The following KIF3C variants were observed in gnomAD, a reference collection of about 807,000 sequenced individuals.
The protein encoded by KIF3C is kinesin-like protein KIF3C.
In KIF3C, 12 loss-of-function variants were observed where a neutral mutation model predicts 67.7. The observed-to-expected ratio is 0.18, with a 90% confidence interval of 0.11 to 0.29. The LOEUF (loss-of-function observed/expected upper bound fraction) is 0.29. KIF3C is among the 10% of genes least tolerant of loss of function. The pLI is 1.00. For synonymous variants in KIF3C, 393 were observed against 426.2 expected, an observed-to-expected ratio of 0.92 and a Z score of 0.96; for missense variants, 789 against 1,059.6, an observed-to-expected ratio of 0.74 and a Z score of 3.55.
intron 5 of KIF3C, among the ~76,000 whole-genome samples, chr2:25,937,481 G>A (rs1663165348): frequency 6.6e-6 from 1 of 152,344 alleles, no homozygotes; most frequent in Admixed American, 6.5e-5. Context: ...CCCGTGAGGA[G>A]AGGCAGCCTC....
intron 5 of KIF3C, among the ~76,000 whole-genome samples, chr2:25,949,424 A>C (rs1663538804): frequency 6.6e-6 from 1 of 151,984 alleles, no homozygotes; most frequent in Non-Finnish European, 1.5e-5. Context: ...AAATACCAAA[A>C]AAAAAGAAAA....
chr2:25,968,506 C>T (rs7589982), intron 1 of KIF3C, among the ~76,000 whole-genome samples: 20,209 of 152,172 alleles, frequency 0.13, 1,474 homozygotes, highest in African/African-American at 0.18. Context: ...CTTATCTTCA[C>T]CTTTCCGCCC....
chr2:25,971,763 G>A (rs12713722), intron 1 of KIF3C, among the ~76,000 whole-genome samples: 40,661 of 151,136 alleles, frequency 0.27, 6,463 homozygotes, highest in African/African-American at 0.45. Context: ...GCTGGAGTGC[G>A]GTGGCAAGAT....
chr2:25,946,274 G>A (rs1026695608), intron 5 of KIF3C, among the ~76,000 whole-genome samples: 1 of 152,136 alleles, frequency 6.6e-6, no homozygotes, highest in Non-Finnish European at 1.5e-5. Context: ...AAAGGTGGGG[G>A]CCAGGTGAGG....
chr2:25,953,269 C>CA lies in KIF3C; in HGVS notation c.1889+997dup, dbSNP rs1022892996. Among the ~76,000 whole-genome samples the CA allele has an allele frequency of 6.8e-3, 903 of 132,820 alleles. 5 individuals are homozygous for CA. Among genetic ancestry groups the CA allele is most frequent in the African/African-American group, 0.02 (729 of 36,086 alleles). The allele number at this position is 132,820 out of a possible 152,430, so 87.1% of individuals were successfully genotyped here. On this transcript the variant is annotated intron_variant, in intron 4 of 7. Transcript: ENST00000264712. ...GGATGATAGAGCAATATTCCATCTC[C>CA]AAAAAAAAAAAATCTAATGTATCCC...
At chr2:25,942,340 G>A (rs1016302019) in intron 5 of KIF3C, among the ~76,000 whole-genome samples, 2 of 151,860 alleles carry the variant, frequency 1.3e-5, no homozygotes, top group South Asian at 2.1e-4. Context: ...CTTAGGCGAC[G>A]GTCTATTATG....
chr2:25,956,575 G>A, intron 1 of KIF3C, 131 bp from the exon 2 acceptor site: 1 of 673,024 alleles, frequency 1.5e-6, no homozygotes, highest in Non-Finnish European at 2.6e-6. Flanking sequence ...ATGGGGCCTT[G>A]TGGCTTTCAG....
intron 5 of KIF3C, among the ~76,000 whole-genome samples, chr2:25,939,827 A>G (rs1281866792): frequency 1.3e-5 from 2 of 151,922 alleles, no homozygotes; most frequent in East Asian, 1.9e-4. Flanking sequence ...GTGCACCCCT[A>G]TAATCCCAGC....
intron 5 of KIF3C, among the ~76,000 whole-genome samples, chr2:25,936,189 G>A (rs752714771): frequency 1.3e-5 from 2 of 152,074 alleles, no homozygotes; most frequent in Non-Finnish European, 2.9e-5. Context: ...CAAATAAAAA[G>A]ATGAAGTTTT....
intron 5 of KIF3C, among the ~76,000 whole-genome samples, chr2:25,948,236 A>C (rs1484108390): frequency 6.6e-6 from 1 of 151,918 alleles, no homozygotes; most frequent in African/African-American, 2.4e-5. Context: ...AAAATAATAC[A>C]AATAAATAAA....
chr2:25,962,923 TATATAATAC>T (rs1437198259), intron 1 of KIF3C, among the ~76,000 whole-genome samples: 2 of 49,496 alleles, frequency 4.0e-5, no homozygotes, highest in South Asian at 5.1e-4. Context: ...ATATATATAA[TATATAATAC>T]ATATAATATA....
intron 1 of KIF3C, among the ~76,000 whole-genome samples, chr2:25,977,336 T>G (rs1006482085): frequency 2.9e-4 from 44 of 152,002 alleles, no homozygotes; most frequent in African/African-American, 8.9e-4. Context: ...CAACTACCAC[T>G]TAGCTGCCCC....
intron 5 of KIF3C, among the ~76,000 whole-genome samples, chr2:25,939,607 T>C (rs1279654666): frequency 1.3e-5 from 2 of 152,156 alleles, no homozygotes; most frequent in Non-Finnish European, 2.9e-5. Flanking sequence ...CAAAACCAGT[T>C]TAACTTTCTT....
At chr2:25,940,371 G>A (rs1663250539) in intron 5 of KIF3C, among the ~76,000 whole-genome samples, 1 of 152,020 alleles carries the variant, frequency 6.6e-6, no homozygotes, top group South Asian at 2.1e-4. Context: ...AGGGGTTTGA[G>A]ACCAGCCTGG....
At chr2:25,929,684 C>T (rs1416740943) in intron 6 of KIF3C, among the ~76,000 whole-genome samples, 5 of 151,700 alleles carry the variant, frequency 3.3e-5, no homozygotes, top group East Asian at 1.9e-4. Context: ...GGTGCAATCT[C>T]GGCTCACTGC....
At chr2:25,930,381 T>C (rs2090449332) in intron 5 of KIF3C, among the ~76,000 whole-genome samples, 1 of 152,158 alleles carries the variant, frequency 6.6e-6, no homozygotes, top group South Asian at 2.1e-4. Context: ...TGTTTTGAGA[T>C]GGAGTCTCAC....
chr2:25,954,670 C>T (rs777867528), intron 3 of KIF3C, among the ~76,000 whole-genome samples: 1 of 152,216 alleles, frequency 6.6e-6, no homozygotes, highest in African/African-American at 2.4e-5. Context: ...ACCCCAGGGA[C>T]CTTTTGGTCC....
chr2:25,976,637 T>C (rs1468230987), intron 1 of KIF3C, among the ~76,000 whole-genome samples: 3 of 152,152 alleles, frequency 2.0e-5, no homozygotes, highest in Admixed American at 2.0e-4. Context: ...GGTGGGCACC[T>C]GTAATCCCAG....
intron 5 of KIF3C, among the ~76,000 whole-genome samples, chr2:25,942,108 A>G (rs576112868): frequency 6.6e-6 from 1 of 152,286 alleles, no homozygotes; most frequent in South Asian, 2.1e-4. Context: ...CTATAATCCC[A>G]GGACTTTGGG....
Sources: gnomAD v4.1 joint callset for allele counts (sites outside exome capture counted in the v4.1 genomes callset) on GRCh38, gnomAD v4.1.1 for gene constraint, MANE v1.5 for transcripts, NCBI Gene and HGNC (gene_info 2026-07-23, HGNC 2026-07-21) for gene names.